ECE1: variants seen among roughly 807,000 people sequenced by gnomAD.
The protein encoded by ECE1 is endothelin-converting enzyme 1.
A neutral mutation model predicts 98.6 loss-of-function variants in ECE1; 35 were observed. The observed-to-expected ratio is 0.35, with a 90% CI of 0.27 to 0.47. ECE1 has a LOEUF of 0.47. Among genes scored for constraint, ECE1 ranks in the 20% least tolerant of loss-of-function variants. The probability of loss-of-function intolerance (pLI) is 1.00; values close to 1 mark genes in which losing one functional copy is unlikely to be tolerated. For synonymous variants in ECE1, 394 were observed against 407.1 expected, an observed-to-expected ratio of 0.97 and a Z score of 0.39; for missense variants, 814 against 1,025.3, an observed-to-expected ratio of 0.79 and a Z score of 2.81.
intron 8 of ECE1, among the ~76,000 whole-genome samples, chr1:21,255,589 C>T (rs1016093123): frequency 2.6e-5 from 4 of 152,220 alleles, no homozygotes; most frequent in African/African-American, 9.6e-5. Flanking sequence ...TTATTAAGTG[C>T]TCACTGTAAC....
intron 10 of ECE1, among the ~76,000 whole-genome samples, chr1:21,240,550 A>G (rs2098194757): frequency 6.6e-6 from 1 of 152,188 alleles, no homozygotes; most frequent in African/African-American, 2.4e-5. Context: ...TTTTTATTGT[A>G]TGTAAATTAT....
At position 21,219,701 on chromosome 1, in the gene ECE1, C is replaced by T; in HGVS notation, c.*254G>A. On this transcript the variant is annotated 3_prime_UTR_variant, in exon 19 of 19. Transcript: ENST00000374893. The surrounding 1 kb of genome is among the most constrained non-coding windows in gnomAD (Gnocchi z 4.5). ...AGTGTGGGGCCCAGGCCTGATGAGC[C>T]ACCAGCCCAGCACCCGAATGCCTGC... 1.8e-6 allele frequency: 1 copy of T among 556,252 alleles called. No homozygotes were observed. The highest frequency in any genetic ancestry group is 2.0e-5 in the South Asian group (1 of 49,622). The allele number at this position is 556,252 out of a possible 1,614,324, so 34.5% of individuals were successfully genotyped here. A position where few individuals can be genotyped will look rare whatever the true frequency, so the allele number is the denominator to read the frequency against.
At position 21,247,166 on chromosome 1, in the gene ECE1, CAAG is replaced by C. The variant is rs1208877560; in HGVS notation, c.1163+52_1163+54del. On this transcript the variant is annotated intron_variant, in intron 9 of 18. Coordinates refer to ENST00000374893, the MANE Select transcript of ECE1 (RefSeq NM_001397.3). The stretch of plus-strand genomic sequence containing the variant: ...TCATCCCCACCCCTGCCCACCTGCC[CAAG>C]AAGAGGGCTGTCTGTGAGAGGCGTG... 1.9e-6 allele frequency: 3 copies of C among 1,613,156 alleles called. No homozygotes were observed. In the Admixed American group the frequency reaches 5.0e-5, roughly 27 times the overall value.
intron 1 of ECE1, among the ~76,000 whole-genome samples, chr1:21,295,795 T>G (rs1469394807): frequency 6.6e-6 from 1 of 152,200 alleles, no homozygotes; most frequent in African/African-American, 2.4e-5. Context: ...TGGAACAGAG[T>G]TAGAAACAAC....
chr1:21,290,951 G>A (rs919364636), upstream of ECE1, among the ~76,000 whole-genome samples: 2 of 152,166 alleles, frequency 1.3e-5, no homozygotes, highest in African/African-American at 2.4e-5. The surrounding 1 kb of genome is among the most constrained non-coding windows in gnomAD (Gnocchi z 7.3). Flanking sequence ...CCCTGACACG[G>A]GATGAAAGGA....
intron 1 of ECE1, among the ~76,000 whole-genome samples, chr1:21,341,507 T>C (rs1371947179): frequency 2.0e-5 from 3 of 152,280 alleles, no homozygotes; most frequent in Non-Finnish European, 4.4e-5. Context: ...CAGAACATTC[T>C]GCCAAGCCCA....
At position 21,247,302 on chromosome 1, in the gene ECE1, A is replaced by T; in HGVS notation, c.1082T>A (p.Ile361Asn). 6.2e-7 allele frequency: 1 copy of T among 1,614,186 alleles called. No homozygotes were observed. The highest frequency in any genetic ancestry group is 8.5e-7 in the Non-Finnish European group (1 of 1,180,042). ...GACCACAATAGGCTCGGATTCATTG[A>T]TCTCCACGGGGTAGAAGATGGTGTT... ...FLNTIFYPVE[I>N]NESEPIVVYD... Residue 361 changes from isoleucine to asparagine, a missense_variant, in exon 9 of 19, where the codon ATC (isoleucine) becomes AAC (asparagine). Ile to Asn is a moderately radical substitution (Grantham distance 149). Coordinates refer to ENST00000374893, the MANE Select transcript of ECE1 (RefSeq NM_001397.3).
At chr1:21,338,248 T>C (rs1323540867) in intron 1 of ECE1, among the ~76,000 whole-genome samples, 4 of 152,136 alleles carry the variant, frequency 2.6e-5, no homozygotes, top group Non-Finnish European at 2.9e-5. Context: ...CAGGAGGACA[T>C]GAGGTTAGAG....
At chr1:21,222,697 C>T (rs896815095) in intron 17 of ECE1, among the ~76,000 whole-genome samples, 5 of 151,634 alleles carry the variant, frequency 3.3e-5, no homozygotes, top group South Asian at 2.1e-4. Flanking sequence ...AAAAATTAGC[C>T]GAGGTGCGGT....
intron 4 of ECE1, among the ~76,000 whole-genome samples, chr1:21,264,414 A>G (rs972415168): frequency 4.0e-5 from 6 of 150,208 alleles, no homozygotes; most frequent in African/African-American, 1.5e-4. Flanking sequence ...TCCTGGGTTC[A>G]AGTGATTCTC....
At chr1:21,311,356 G>A (rs531175008) in intron 1 of ECE1, among the ~76,000 whole-genome samples, 8 of 152,158 alleles carry the variant, frequency 5.3e-5, no homozygotes, top group East Asian at 1.9e-4. Flanking sequence ...CACCAACAGC[G>A]CAGGCTTCCA....
In ECE1 at chr1:21,308,700, G is replaced by C. The variant is rs895585619; in HGVS notation, c.4-18544C>G. Among the ~76,000 whole-genome samples the C allele has an allele frequency of 8.6e-5, 13 of 152,010 alleles. 1 individual carries two copies. The highest frequency in any genetic ancestry group is 3.1e-4 in the African/African-American group (13 of 41,324). On this transcript the variant is annotated intron_variant, in intron 1 of 18. Transcript: ENST00000415912. ...GCTAGTACCCCCAACCTCTGAATGA[G>C]ACGGTGAACAGCCTTTGTGCATGGG...
In ECE1 at chr1:21,256,114, T is replaced by C; in HGVS notation, c.853A>G (p.Met285Val). 6.2e-7 allele frequency: 1 copy of C among 1,605,180 alleles called. No individual in the cohort carries two copies. Among genetic ancestry groups the C allele is most frequent in the Non-Finnish European group, 8.5e-7 (1 of 1,172,530 alleles). The change falls in exon 8 of 19, where the codon ATG becomes GTG. Residue 285 changes from methionine (M) to valine (V), a missense_variant. By Grantham distance (21) the Met-to-Val change is conservative (BLOSUM62 1). Transcript: ENST00000374893. ...CCCAGCAGCTTCCCCAGCTGGACCA[T>C]GTAGTTCAGATATCCGGTCAGCACC... Reference protein sequence around the residue: ...EKVLTGYLNYMVQLGKLLGGG... With the variant: ...EKVLTGYLNYVVQLGKLLGGG...
chr1:21,292,222 C>T (rs12092849), upstream of ECE1, among the ~76,000 whole-genome samples: 13,473 of 152,116 alleles, frequency 0.089, 687 homozygotes, highest in African/African-American at 0.14. Flanking sequence ...CCTCCACTGT[C>T]CTGGAATGAA....
intron 1 of ECE1, among the ~76,000 whole-genome samples, chr1:21,331,831 A>G (rs1639206166): frequency 6.6e-6 from 1 of 152,192 alleles, no homozygotes; most frequent in Non-Finnish European, 1.5e-5. Context: ...AAGAAACGCT[A>G]TTATTATTAC....
At chr1:21,298,646 G>A (rs1039566090) in intron 1 of ECE1, 2 of 418,372 alleles carry the variant, frequency 4.8e-6, no homozygotes, top group Non-Finnish European at 9.7e-6. Flanking sequence ...GGGGCTCGGT[G>A]GCACATGTCA....
chr1:21,243,448 G>A (rs998851444), intron 10 of ECE1, among the ~76,000 whole-genome samples: 2 of 151,038 alleles, frequency 1.3e-5, no homozygotes, highest in African/African-American at 2.4e-5. Flanking sequence ...TTCCAGGCTG[G>A]GCTCAGGTGA....
chr1:21,245,666 T>G (rs2098202401), intron 9 of ECE1, among the ~76,000 whole-genome samples: 1 of 152,034 alleles, frequency 6.6e-6, no homozygotes, highest in Admixed American at 6.6e-5. Context: ...ACATCTAACC[T>G]CTAATCAGAA....
intron 2 of ECE1, among the ~76,000 whole-genome samples, chr1:21,280,380 G>T (rs2098253027): frequency 1.3e-5 from 2 of 152,168 alleles, no homozygotes; most frequent in Non-Finnish European, 2.9e-5. Flanking sequence ...AGACTGGGGT[G>T]GGCAGGGGTT....
Sources: gnomAD v4.1 joint callset for allele counts (sites outside exome capture counted in the v4.1 genomes callset) on GRCh38, gnomAD v4.1.1 for gene constraint, Gnocchi (gnomAD v3.1) non-coding constraint, MANE v1.5 for transcripts, NCBI Gene and HGNC (gene_info 2026-07-23, HGNC 2026-07-21) for gene names.